Variants in NUP205 observed in about 807,000 individuals in gnomAD.
NUP205 encodes the protein nucleoporin 205.
NUP205 carries 76 observed loss-of-function variants against 253.8 expected under a neutral mutation model. The ratio of observed to expected loss-of-function variants is 0.30; its 90% CI spans 0.25 to 0.36. The LOEUF is 0.36. Ranked by LOEUF, NUP205 falls within the 10% of genes least tolerant of loss-of-function variation. NUP205 has a pLI of 1.00. For missense variants in NUP205, 2,162 were observed against 2,425.5 expected, an observed-to-expected ratio of 0.89 and a Z score of 2.28; for synonymous variants, 832 against 850.1, an observed-to-expected ratio of 0.98 and a Z score of 0.37.
intron 32 of NUP205, among the ~76,000 whole-genome samples, chr7:135,625,802 T>C (rs754373737): frequency 2.0e-5 from 3 of 152,250 alleles, no homozygotes; most frequent in Non-Finnish European, 4.4e-5. Flanking sequence ...GTTAAAAGGA[T>C]CACAAATGTT....
At chr7:135,596,158 T>A (rs1319610968) in intron 13 of NUP205, among the ~76,000 whole-genome samples, 1 of 152,214 alleles carries the variant, frequency 6.6e-6, no homozygotes, top group African/African-American at 2.4e-5. Flanking sequence ...GGTCTTGAAC[T>A]TCTCCCCTCA....
chr7:135,593,674 T>G (rs939548933), intron 12 of NUP205, among the ~76,000 whole-genome samples: 1 of 152,240 alleles, frequency 6.6e-6, no homozygotes, highest in African/African-American at 2.4e-5. Context: ...AAATATCTTT[T>G]AGTTATGTCT....
At chr7:135,589,316 G>A (rs1333813931) in intron 10 of NUP205, among the ~76,000 whole-genome samples, 5 of 147,086 alleles carry the variant, frequency 3.4e-5, no homozygotes, top group Admixed American at 6.8e-5. Flanking sequence ...ATGGAGTTTC[G>A]CTCTTGTTGC....
intron 20 of NUP205, among the ~76,000 whole-genome samples, 160 bp downstream of exon 20, chr7:135,606,386 C>T (rs1794086546): frequency 6.6e-6 from 1 of 151,994 alleles, no homozygotes; most frequent in South Asian, 2.1e-4. Flanking sequence ...AAAATAAAAT[C>T]TGAAACCTTT....
At chr7:135,614,406 T>C in intron 23 of NUP205, 133 bp downstream of exon 23, 1 of 577,432 alleles carries the variant, frequency 1.7e-6, no homozygotes, top group East Asian at 3.0e-5. Flanking sequence ...TGGGTTCTTT[T>C]TGTAATTTCT....
rs773758194 is a variant in NUP205, at chr7:135,645,565, G to A, written c.5781G>A (p.Ser1927=). Residue 1927 remains serine, a synonymous_variant, in exon 41 of 43, where the codon TCG becomes TCA. Coordinates refer to ENST00000285968, the MANE Select transcript of NUP205 (RefSeq NM_015135.3). ...PTDSQDSLFA[S]RTLFKSRRLQ... is the part of the protein sequence containing the mutation. The stretch of plus-strand genomic sequence containing the variant: ...ATTCTCAAGATTCCTTATTTGCCTC[G>A]AGAACCTTGTTTAAAAGCAGAAGAC... 27 of 1,613,956 alleles carry A rather than the reference G, an allele frequency of 1.7e-5. No individual in the cohort carries two copies. In the South Asian group the frequency reaches 1.9e-4, roughly 11 times the overall value.
intron 33 of NUP205, 112 bp downstream of exon 33, chr7:135,626,473 G>T: frequency 8.5e-7 from 1 of 1,181,922 alleles, no homozygotes; most frequent in South Asian, 1.6e-5. Context: ...ATCTTGGTGT[G>T]GGTTTTTTTG....
intron 22 of NUP205, among the ~76,000 whole-genome samples, chr7:135,608,289 G>A (rs1230695149): frequency 4.6e-5 from 7 of 152,118 alleles, no homozygotes; most frequent in Non-Finnish European, 1.5e-5. Flanking sequence ...CTCCCAAAGT[G>A]CTGGGATTAT....
At position 135,617,598 on chromosome 7, in the gene NUP205, C is replaced by T. The variant is rs1794388112; in HGVS notation, c.3691-4C>T. ...TATTTTTCTTTCTTTTCCTAATTAT[C>T]CAGCTTCTTCATAGGGTTCTTGTAG... On this transcript the variant is annotated splice_region_variant and splice_polypyrimidine_tract_variant and intron_variant, in intron 26 of 42. Coordinates refer to ENST00000285968, the MANE Select transcript of NUP205 (RefSeq NM_015135.3). 6.2e-7 allele frequency: 1 copy of T among 1,609,078 alleles called. No homozygotes were observed. Among genetic ancestry groups the T allele is most frequent in the Non-Finnish European group, 8.5e-7 (1 of 1,175,838 alleles).
chr7:135,563,703 T>G (rs1805661147), intron 1 of NUP205, among the ~76,000 whole-genome samples: 1 of 152,104 alleles, frequency 6.6e-6, no homozygotes, highest in South Asian at 2.1e-4. Flanking sequence ...CCTTCATTTG[T>G]AATCAGTAAA....
In NUP205 at chr7:135,582,861, C is replaced by T. The variant is rs1023323713; in HGVS notation, c.1043-1971C>T. Among the ~76,000 whole-genome samples the T allele has an allele frequency of 5.9e-5, 8 of 136,380 alleles. No individual in the cohort carries two copies. In the East Asian group the frequency reaches 6.3e-4, roughly 11 times the overall value. 89.5% of individuals were successfully genotyped at this position (136,380 alleles called of 152,430 possible). ...ATCCCAACACTTGGGGAGGCCGAGG[C>T]GGGTGGATCATGAGGTCAAGAGATC... On this transcript the variant is annotated intron_variant, in intron 7 of 42. Transcript: ENST00000285968.
In NUP205 at chr7:135,622,826, C is replaced by G. The variant is rs1794503660; in HGVS notation, c.4380C>G (p.Ser1460Arg). The G allele has an allele frequency of 6.2e-7, 1 of 1,613,908 alleles. No homozygotes were observed. The highest frequency in any genetic ancestry group is 1.3e-5 in the African/African-American group (1 of 74,890). ...ERLTAPEDVF[S>R]KLQRENIAII... ...TGACAGCCCCTGAAGATGTATTTAG[C>G]AAATTACAGCGAGAAAACATAGCCA... The change falls in exon 31 of 43, where the codon AGC (serine) becomes AGG (arginine). Residue 1460 changes from serine to arginine, a missense_variant. Ser to Arg is a moderately radical substitution (Grantham distance 110). This residue lies in a region of NUP205 where 1,144 missense variants were observed against 1,280.9 expected (regional missense o/e 0.89). Transcript: ENST00000285968.
chr7:135,639,819 C>G (rs1180647584), intron 38 of NUP205, among the ~76,000 whole-genome samples: 1 of 152,162 alleles, frequency 6.6e-6, no homozygotes, highest in Non-Finnish European at 1.5e-5. Context: ...AAATGTCCAT[C>G]AATGATAGAC....
rs181146584 is a variant in NUP205, at chr7:135,580,742, C to T, written c.1042+1827C>T. Among the ~76,000 whole-genome samples the T allele has an allele frequency of 6.1e-4, 93 of 152,146 alleles. 1 individual carries two copies. The East Asian group carries it at 0.015, about 24-fold the overall frequency. Reference sequence around the variant, plus strand: ...CCTCCCAAAGTGCTGGGATTACAGGCGCGAGCCACCATGCCCAGGTGTGAT... The same window carrying T: ...CCTCCCAAAGTGCTGGGATTACAGGTGCGAGCCACCATGCCCAGGTGTGAT... On this transcript the variant is annotated intron_variant, in intron 7 of 42. Transcript: ENST00000285968.
intron 10 of NUP205, 69 bp from the exon 11 acceptor site, chr7:135,591,381 T>A: frequency 1.5e-6 from 2 of 1,345,874 alleles, no homozygotes; most frequent in Non-Finnish European, 2.1e-6. Context: ...GTAGTCTTTA[T>A]TAGCTAGTCC....
Position 135,578,930 on chromosome 7 carries a change from G to T in NUP205, c.1042+15G>T. ...TGATGTGACAGGTGAATTGATTGTAGGTAATTTTGTTATGAGAAACAGCAT... is the reference window on the plus strand; with the variant it reads ...TGATGTGACAGGTGAATTGATTGTATGTAATTTTGTTATGAGAAACAGCAT... On this transcript the variant is annotated intron_variant, in intron 7 of 42. Transcript: ENST00000285968. The T allele has an allele frequency of 6.4e-7, 1 of 1,565,692 alleles. No individual in the cohort carries two copies. Among genetic ancestry groups the T allele is most frequent in the Non-Finnish European group, 8.6e-7 (1 of 1,159,714 alleles).
At chr7:135,582,378 A>G (rs1258246081) in intron 7 of NUP205, among the ~76,000 whole-genome samples, 2 of 152,270 alleles carry the variant, frequency 1.3e-5, no homozygotes, top group African/African-American at 4.8e-5. Context: ...TGTTACTGTT[A>G]CTGAAAATAT....
At position 135,607,136 on chromosome 7, in the gene NUP205, G is replaced by T; in HGVS notation, c.3071-111G>T. 5 of 1,336,198 alleles carry T rather than the reference G, an allele frequency of 3.7e-6. No individual in the cohort carries two copies. In the South Asian group the frequency reaches 7.2e-5, roughly 19 times the overall value. 82.8% of individuals were successfully genotyped at this position (1,336,198 alleles called of 1,614,324 possible). ...TTTTCTGTTATCAGTATTTGAAAGA[G>T]TGTTTACAGTACAGCATATATTTAA... is the stretch of plus-strand genomic sequence containing the variant. On this transcript the variant is annotated intron_variant, in intron 21 of 42. Coordinates refer to ENST00000285968, the MANE Select transcript of NUP205 (RefSeq NM_015135.3).
intron 35 of NUP205, among the ~76,000 whole-genome samples, chr7:135,634,736 G>A (rs891393797): frequency 6.6e-6 from 1 of 152,150 alleles, no homozygotes; most frequent in Non-Finnish European, 1.5e-5. Flanking sequence ...TCGGGAAGCG[G>A]TGAGGCACGG....
Sources: gnomAD v4.1 joint callset for allele counts (sites outside exome capture counted in the v4.1 genomes callset) on GRCh38, gnomAD v4.1.1 for gene constraint, gnomAD v4.1.1 regional missense constraint, MANE v1.5 for transcripts, NCBI Gene and HGNC (gene_info 2026-07-23, HGNC 2026-07-21) for gene names.